The following CNTN1 variants were observed in gnomAD, a reference collection of about 807,000 sequenced individuals.
CNTN1 encodes the protein contactin 1.
Under a neutral mutation model 126.4 loss-of-function variants are expected in CNTN1, and 38 were observed. The ratio of observed to expected loss-of-function variants is 0.30; its 90% CI spans 0.23 to 0.39. CNTN1 has a LOEUF of 0.39. CNTN1 is among the 10% of genes least tolerant of loss of function. CNTN1 has a pLI of 1.00. For missense variants in CNTN1, 1,009 were observed against 1,248.4 expected (o/e 0.81, Z 2.89); for synonymous variants, 413 against 422.6 (o/e 0.98, Z 0.28).
chr12:40,818,796 T>C (rs1941341193), intron 1 of CNTN1, among the ~76,000 whole-genome samples: 1 of 152,144 alleles, frequency 6.6e-6, no homozygotes, highest in Admixed American at 6.5e-5. Flanking sequence ...TTCTTTTTCA[T>C]CTTTGTGAGT....
chr12:40,832,552 C>T (rs1381908635), intron 1 of CNTN1, among the ~76,000 whole-genome samples: 5 of 152,118 alleles, frequency 3.3e-5, no homozygotes, highest in African/African-American at 4.8e-5. Flanking sequence ...AAGTACACTT[C>T]GTGATGTTCC....
chr12:40,718,085 T>C (rs931521040), intron 1 of CNTN1, among the ~76,000 whole-genome samples: 11 of 152,238 alleles, frequency 7.2e-5, no homozygotes, highest in Non-Finnish European at 1.3e-4. Context: ...GGATATCTCT[T>C]TCTTAAAGTA....
intron 1 of CNTN1, among the ~76,000 whole-genome samples, chr12:40,890,597 A>G (rs1447279921): frequency 6.6e-6 from 1 of 152,156 alleles, no homozygotes; most frequent in Non-Finnish European, 1.5e-5. Flanking sequence ...AGTTGAAATC[A>G]TACAGTATAT....
chr12:40,703,803 A>AGAGG, intron 1 of CNTN1, among the ~76,000 whole-genome samples: 1 of 151,334 alleles, frequency 6.6e-6, no homozygotes, highest in South Asian at 2.1e-4. Flanking sequence ...GAGAGGAGGG[A>AGAGG]GAGAGAGAGA....
At chr12:40,790,507 C>G (rs2136464559) in intron 1 of CNTN1, among the ~76,000 whole-genome samples, 1 of 152,214 alleles carries the variant, frequency 6.6e-6, no homozygotes, top group East Asian at 1.9e-4. Flanking sequence ...CACTATCTCC[C>G]TTAGAAAAAT....
intron 15 of CNTN1, among the ~76,000 whole-genome samples, chr12:40,965,528 A>G (rs1285009341): frequency 6.6e-6 from 1 of 152,172 alleles, no homozygotes; most frequent in African/African-American, 2.4e-5. Context: ...TGTTCCTACT[A>G]TCTGGCATAT....
intron 1 of CNTN1, among the ~76,000 whole-genome samples, chr12:40,707,227 C>CTTTTTTTTTTTTTTTTTTTTTTTTTTTTT (rs370984371): frequency 9.2e-5 from 10 of 109,182 alleles, no homozygotes; most frequent in Non-Finnish European, 1.3e-4. Context: ...TTTTCTTTTT[C>CTTTTTTTTTTTTTTTTTTTTTTTTTTTTT]TTTTTTTTTT....
chr12:40,803,756 A>G (rs1940738532), intron 1 of CNTN1, among the ~76,000 whole-genome samples: 1 of 151,780 alleles, frequency 6.6e-6, no homozygotes, highest in Non-Finnish European at 1.5e-5. Context: ...ATGAAGGAGA[A>G]GAGGAGAGGG....
At chr12:40,862,590 T>G (rs759114333) in intron 1 of CNTN1, among the ~76,000 whole-genome samples, 2 of 152,218 alleles carry the variant, frequency 1.3e-5, no homozygotes, top group Non-Finnish European at 2.9e-5. Flanking sequence ...CTGGCTTTTT[T>G]CACATTGTTA....
At chr12:41,003,266 A>G (rs1948410202) in intron 17 of CNTN1, among the ~76,000 whole-genome samples, 1 of 152,180 alleles carries the variant, frequency 6.6e-6, no homozygotes, top group Admixed American at 6.5e-5. Flanking sequence ...CATATGTTAA[A>G]CAAGCCTTGC....
At chr12:41,061,812 A>G (rs1372148908) in intron 23 of CNTN1, 3 of 455,960 alleles carry the variant, frequency 6.6e-6, no homozygotes, top group South Asian at 4.6e-5. Flanking sequence ...TCACAGAAGC[A>G]TCAGAACCAT....
At chr12:41,021,224 T>C (rs1303801638) in intron 20 of CNTN1, among the ~76,000 whole-genome samples, 1 of 152,160 alleles carries the variant, frequency 6.6e-6, no homozygotes, top group Non-Finnish European at 1.5e-5. Flanking sequence ...TTACAGAAAG[T>C]GTCAGAGCAG....
At chr12:41,054,045 C>T (rs1371781391) in intron 23 of CNTN1, among the ~76,000 whole-genome samples, 1 of 151,716 alleles carries the variant, frequency 6.6e-6, no homozygotes, top group Non-Finnish European at 1.5e-5. Flanking sequence ...ATTTTAGAGG[C>T]TAATTCCCTT....
At chr12:40,865,630 C>T (rs1332550089) in intron 1 of CNTN1, among the ~76,000 whole-genome samples, 1 of 151,940 alleles carries the variant, frequency 6.6e-6, no homozygotes, top group Non-Finnish European at 1.5e-5. Context: ...AATCTATTGA[C>T]CATAAGGGTA....
chr12:41,045,418 G>T (rs1482730995), intron 23 of CNTN1, among the ~76,000 whole-genome samples: 2 of 152,072 alleles, frequency 1.3e-5, no homozygotes, highest in Non-Finnish European at 2.9e-5. Context: ...CCTGAGGTTT[G>T]ACACTTATTC....
At chr12:40,859,739 G>A (rs749025010) in intron 1 of CNTN1, among the ~76,000 whole-genome samples, 2 of 152,026 alleles carry the variant, frequency 1.3e-5, no homozygotes, top group Non-Finnish European at 2.9e-5. Context: ...CAGGAGTGAA[G>A]GGTACAGAAT....
chr12:41,071,013 A>G lies in CNTN1; in HGVS notation c.*978A>G, dbSNP rs1274710964. ...TCATTCCTAAGTATTACGTTTCTTT[A>G]TTGCAGATGTCAGATCAAAAAGTCA... On this transcript the variant is annotated 3_prime_UTR_variant, in exon 24 of 24. Coordinates refer to ENST00000551295, the MANE Select transcript of CNTN1 (RefSeq NM_001843.4). The G allele has an allele frequency of 6.6e-6, 1 of 151,960 alleles. No homozygotes were observed. The highest frequency in any genetic ancestry group is 1.9e-4 in the East Asian group (1 of 5,188). The allele number at this position is 151,960 out of a possible 1,614,324, so 9.4% of individuals were successfully genotyped here. A position where few individuals can be genotyped will look rare whatever the true frequency, so the allele number is the denominator to read the frequency against.
chr12:41,035,906 A>G (rs976335341), intron 23 of CNTN1, among the ~76,000 whole-genome samples: 22 of 152,110 alleles, frequency 1.4e-4, no homozygotes, highest in African/African-American at 4.8e-4. Flanking sequence ...GATGTTTGTA[A>G]TTTCTTGTAA....
chr12:40,884,868 T>C (rs549626040), intron 1 of CNTN1, among the ~76,000 whole-genome samples: 8 of 151,892 alleles, frequency 5.3e-5, no homozygotes, highest in Admixed American at 1.3e-4. Flanking sequence ...ATAACTTTTA[T>C]ATATACAACT....
Sources: gnomAD v4.1 joint callset for allele counts (sites outside exome capture counted in the v4.1 genomes callset) on GRCh38, gnomAD v4.1.1 for gene constraint, MANE v1.5 for transcripts, NCBI Gene and HGNC (gene_info 2026-07-23, HGNC 2026-07-21) for gene names.